YAP1: variants seen among roughly 807,000 people sequenced by gnomAD.
YAP1 encodes transcriptional coactivator YAP1.
A neutral mutation model predicts 56.9 loss-of-function variants in YAP1; 5 were observed. The observed-to-expected ratio is 0.09, with a 90% confidence interval of 0.05 to 0.18. The LOEUF (loss-of-function observed/expected upper bound fraction) is 0.18. Among genes scored for constraint, YAP1 ranks in the 10% least tolerant of loss-of-function variants. The probability of loss-of-function intolerance (pLI) is 1.00; values close to 1 mark genes in which losing one functional copy is unlikely to be tolerated. For missense variants in YAP1, 539 were observed against 651.8 expected, an observed-to-expected ratio of 0.83 and a Z score of 1.88; for synonymous variants, 265 against 248.1, an observed-to-expected ratio of 1.07 and a Z score of -0.64.
chr11:102,229,615 C>G, intron 8 of YAP1, 87 bp from the exon 9 acceptor site: 4 of 1,273,878 alleles, frequency 3.1e-6, no homozygotes, highest in Non-Finnish European at 4.4e-6. Context: ...GCTTTTCTTT[C>G]CCTGTGCATT....
chr11:102,144,015 A>G (rs143484375), intron 2 of YAP1, among the ~76,000 whole-genome samples: 39 of 152,328 alleles, frequency 2.6e-4, no homozygotes, highest in African/African-American at 7.5e-4. Context: ...GTAGAGGCTG[A>G]CAGATATTTG....
At chr11:102,146,422 A>G (rs1353113477) in intron 2 of YAP1, among the ~76,000 whole-genome samples, 5 of 152,178 alleles carry the variant, frequency 3.3e-5, no homozygotes, top group Non-Finnish European at 5.9e-5. Flanking sequence ...CCTCTTTTAC[A>G]TGTTGTATAT....
intron 2 of YAP1, among the ~76,000 whole-genome samples, chr11:102,158,843 C>G (rs193212468): frequency 6.6e-6 from 1 of 152,202 alleles, no homozygotes; most frequent in East Asian, 1.9e-4. Context: ...GTTCAGTGTT[C>G]CTTAAATAAG....
At chr11:102,213,766 A>G (rs1859504957) in intron 6 of YAP1, among the ~76,000 whole-genome samples, 1 of 152,096 alleles carries the variant, frequency 6.6e-6, no homozygotes, top group Non-Finnish European at 1.5e-5. Flanking sequence ...GGTGAGATTC[A>G]TTCCCAAGTG....
chr11:102,133,643 A>G (rs899041681), intron 2 of YAP1, among the ~76,000 whole-genome samples: 4 of 152,176 alleles, frequency 2.6e-5, no homozygotes, highest in Admixed American at 2.0e-4. Context: ...TTTGGAAGGA[A>G]GTTATGAGTT....
intron 4 of YAP1, 24 bp from the exon 5 acceptor site, chr11:102,205,869 A>ATT: frequency 3.6e-6 from 5 of 1,401,024 alleles, no homozygotes; most frequent in South Asian, 1.5e-5. Context: ...TTTAGGACAG[A>ATT]TTTTTTTTTT....
At chr11:102,136,379 C>T (rs558705172) in intron 2 of YAP1, among the ~76,000 whole-genome samples, 33 of 150,706 alleles carry the variant, frequency 2.2e-4, no homozygotes, top group Middle Eastern at 6.9e-3. Flanking sequence ...GGGTCTCCGT[C>T]GCCTAGGCTG....
chr11:102,122,898 A>C (rs1345578198), intron 2 of YAP1, among the ~76,000 whole-genome samples: 1 of 114,828 alleles, frequency 8.7e-6, no homozygotes. Context: ...CTTCTCTCAA[A>C]AAAAAAAAAA....
chr11:102,178,705 T>C (rs903111245), intron 3 of YAP1, among the ~76,000 whole-genome samples: 2 of 152,218 alleles, frequency 1.3e-5, no homozygotes, highest in African/African-American at 4.8e-5. Flanking sequence ...CCTACTACTC[T>C]CTTTTTGCTT....
At chr11:102,221,968 A>G (rs1591463666) in intron 6 of YAP1, among the ~76,000 whole-genome samples, 1 of 151,856 alleles carries the variant, frequency 6.6e-6, no homozygotes, top group East Asian at 1.9e-4. Context: ...TTTTTACCCC[A>G]TTGAAGTTCA....
chr11:102,152,244 G>T (rs899127635), intron 2 of YAP1, among the ~76,000 whole-genome samples: 1 of 152,134 alleles, frequency 6.6e-6, no homozygotes, highest in Non-Finnish European at 1.5e-5. Flanking sequence ...ATTTCTCACC[G>T]CTAATGAAAA....
chr11:102,199,955 A>G (rs895487573), intron 4 of YAP1, among the ~76,000 whole-genome samples: 5 of 152,338 alleles, frequency 3.3e-5, no homozygotes, highest in African/African-American at 1.2e-4. Flanking sequence ...TTAAACCTCA[A>G]TGCAACTAAA....
intron 2 of YAP1, among the ~76,000 whole-genome samples, chr11:102,149,315 A>C (rs1945495412): frequency 6.6e-6 from 1 of 152,232 alleles, no homozygotes; most frequent in Non-Finnish European, 1.5e-5. Context: ...GAGAAGGAAG[A>C]GACATGGTTT....
rs973698943 is a variant in YAP1 at position 102,162,467 on chromosome 11, A to G, written c.584A>G (p.Gln195Arg). ...GQRYFLNHID[Q>R]TTTWQDPRKA... ...TTGTTTTGTCTTAGTCACATCGATCAGACAACAACATGGCAGGACCCCAGG... is the reference window on the plus strand; with the variant it reads ...TTGTTTTGTCTTAGTCACATCGATCGGACAACAACATGGCAGGACCCCAGG... Residue 195 changes from glutamine to arginine, a missense_variant, in exon 3 of 9, where the codon CAG (glutamine) becomes CGG (arginine). Gln to Arg is a conservative substitution (Grantham distance 43, BLOSUM62 1). Transcript: ENST00000282441. 6.2e-7 allele frequency: 1 copy of G among 1,614,160 alleles called. No homozygotes were observed. The highest frequency in any genetic ancestry group is 8.5e-7 in the Non-Finnish European group (1 of 1,179,984).
rs772739040 is a variant in YAP1, at chr11:102,111,197, C to T, written c.321+28C>T. 2.2e-5 allele frequency: 35 copies of T among 1,608,854 alleles called. No homozygotes were observed. The African/African-American group carries it at 4.0e-4, about 18-fold the overall frequency. On this transcript the variant is annotated intron_variant, in intron 1 of 8. Transcript: ENST00000282441. ...AACCTCGTTGCCCCTCTCCCCGTTT[C>T]CCCGTCGGGCGGGCCTCAGACCGGG...
chr11:102,122,988 T>C (rs1943774399), intron 2 of YAP1, among the ~76,000 whole-genome samples: 1 of 151,706 alleles, frequency 6.6e-6, no homozygotes, highest in Non-Finnish European at 1.5e-5. Flanking sequence ...AGGCAAGCAC[T>C]TTCCACTCCT....
At chr11:102,161,380 ACACACACT>A (rs1184504741) in intron 2 of YAP1, among the ~76,000 whole-genome samples, 3 of 150,792 alleles carry the variant, frequency 2.0e-5, no homozygotes, top group African/African-American at 7.3e-5. Context: ...ACACACACAC[ACACACACT>A]AAACAATTAG....
chr11:102,233,092 G>A lies in YAP1; in HGVS notation c.*3152G>A, dbSNP rs1950482933. ...ATATTCAGTGCTTAACACTTTTCTA[G>A]CGTTGGTACATCTGAGAAATGAGTG... On this transcript the variant is annotated 3_prime_UTR_variant, in exon 9 of 9. Transcript: ENST00000282441. 1.3e-5 allele frequency: 2 copies of A among 152,180 alleles called. No individual in the cohort carries two copies. Among genetic ancestry groups the A allele is most frequent in the African/African-American group, 2.4e-5 (1 of 41,442 alleles). The allele number at this position is 152,180 out of a possible 1,614,324, so 9.4% of individuals were successfully genotyped here.
chr11:102,176,745 C>CAAAAAAAAAAAAAAA lies in YAP1; in HGVS notation c.689-9256_689-9242dup, dbSNP rs57082707. ...TGGGCAACAGAGTAAGACTCCGTCT[C>CAAAAAAAAAAAAAAA]AAAAAAAAAAAAAAAAAAAAAAAAA... is the stretch of plus-strand genomic sequence containing the variant. On this transcript the variant is annotated intron_variant, in intron 3 of 8. Coordinates refer to ENST00000282441, the MANE Select transcript of YAP1 (RefSeq NM_001130145.3). Among the ~76,000 whole-genome samples the CAAAAAAAAAAAAAAA allele has an allele frequency of 2.2e-3, 98 of 45,510 alleles. 7 individuals carry two copies. Among genetic ancestry groups the CAAAAAAAAAAAAAAA allele is most frequent in the Non-Finnish European group, 2.7e-3 (72 of 26,184 alleles). 29.9% of individuals were successfully genotyped at this position (45,510 alleles called of 152,430 possible). A position where few individuals can be genotyped will look rare whatever the true frequency, so the allele number is the denominator to read the frequency against.
Sources: gnomAD v4.1 joint callset for allele counts (sites outside exome capture counted in the v4.1 genomes callset) on GRCh38, gnomAD v4.1.1 for gene constraint, MANE v1.5 for transcripts, NCBI Gene and HGNC (gene_info 2026-07-23, HGNC 2026-07-21) for gene names.